The following NAALADL2 variants were observed in gnomAD, a reference collection of about 807,000 sequenced individuals.
NAALADL2 encodes the protein inactive N-acetylated-alpha-linked acidic dipeptidase-like protein 2.
NAALADL2 carries 76 observed loss-of-function variants against 87.2 expected under a neutral mutation model. The ratio of observed to expected loss-of-function variants is 0.87; its 90% CI spans 0.72 to 1.05. The LOEUF is 1.05. Among genes scored for constraint, NAALADL2 ranks in the 50% least tolerant of loss-of-function variants. The pLI, the probability that NAALADL2 is intolerant of heterozygous loss-of-function variation, is 0.00. For missense variants in NAALADL2, 1,089 were observed against 945.8 expected (o/e 1.15, Z -1.99); for synonymous variants, 354 against 331.0 (o/e 1.07, Z -0.75).
At chr3:175,147,894 A>T (rs532581349) in intron 2 of NAALADL2, among the ~76,000 whole-genome samples, 2 of 151,752 alleles carry the variant, frequency 1.3e-5, no homozygotes, top group South Asian at 4.2e-4. Context: ...ACATGGTGAA[A>T]CCTCGTCTCT....
chr3:174,860,265 T>A (rs2109530602), intron 1 of NAALADL2, among the ~76,000 whole-genome samples: 1 of 152,236 alleles, frequency 6.6e-6, no homozygotes, highest in East Asian at 1.9e-4. Flanking sequence ...TTTTCTTTCA[T>A]TTCTTTAATC....
rs188565794 is a variant in NAALADL2 at position 175,088,374 on chromosome 3, T to A, written c.44-8416T>A. 2.0e-5 allele frequency among the ~76,000 whole-genome samples: 3 copies of A among 152,354 alleles called. No individual in the cohort carries two copies. The East Asian group carries it at 5.8e-4, about 29-fold the overall frequency. ...TGCAAATGTGTTTCTCTGAGCTGCC[T>A]CCTTCTTTCCCACGACTTAACCACA... On this transcript the variant is annotated intron_variant, in intron 1 of 13. Transcript: ENST00000454872.
intron 3 of NAALADL2, among the ~76,000 whole-genome samples, chr3:174,811,297 G>C (rs1328240172): frequency 6.6e-6 from 1 of 152,174 alleles, no homozygotes; most frequent in Non-Finnish European, 1.5e-5. Context: ...CCTTGCACCT[G>C]GAAAAGCCAC....
intron 5 of NAALADL2, among the ~76,000 whole-genome samples, chr3:175,434,702 T>G (rs1352476454): frequency 6.6e-6 from 1 of 152,004 alleles, no homozygotes; most frequent in Non-Finnish European, 1.5e-5. Context: ...AAACTAGTCT[T>G]TTTTCAAGGC....
chr3:174,884,209 G>A (rs1262886758), intron 1 of NAALADL2, among the ~76,000 whole-genome samples: 1 of 152,074 alleles, frequency 6.6e-6, no homozygotes, highest in Non-Finnish European at 1.5e-5. Context: ...ATGATGAGTG[G>A]TGCCACTTCC....
At chr3:175,368,442 T>C (rs997539210) in intron 5 of NAALADL2, among the ~76,000 whole-genome samples, 17 of 152,152 alleles carry the variant, frequency 1.1e-4, no homozygotes, top group Admixed American at 6.6e-5. Flanking sequence ...TACCAGTTCC[T>C]CCTTGTACCT....
At chr3:175,549,691 A>G (rs1714015085) in intron 9 of NAALADL2, among the ~76,000 whole-genome samples, 1 of 151,936 alleles carries the variant, frequency 6.6e-6, no homozygotes, top group Admixed American at 6.6e-5. Flanking sequence ...TTGTTCACAC[A>G]TTTACTGAAT....
At chr3:174,672,501 A>G (rs1174951588) in intron 2 of NAALADL2, among the ~76,000 whole-genome samples, 1 of 152,056 alleles carries the variant, frequency 6.6e-6, no homozygotes, top group African/African-American at 2.4e-5. Context: ...TTCTAGCAAG[A>G]TAAGTAAATA....
chr3:175,156,287 T>A (rs985821056), intron 2 of NAALADL2, among the ~76,000 whole-genome samples: 2 of 124,896 alleles, frequency 1.6e-5, no homozygotes, highest in African/African-American at 2.6e-5. Flanking sequence ...GCATGTTAGA[T>A]TTCATGTTCT....
chr3:175,271,316 A>G (rs1301538309), intron 4 of NAALADL2, among the ~76,000 whole-genome samples: 2 of 152,226 alleles, frequency 1.3e-5, no homozygotes, highest in African/African-American at 4.8e-5. Flanking sequence ...GAATAAATTT[A>G]GAAATAGATT....
intron 2 of NAALADL2, among the ~76,000 whole-genome samples, chr3:175,132,032 G>A (rs1383200470): frequency 5.9e-5 from 8 of 134,516 alleles, no homozygotes; most frequent in Admixed American, 4.3e-4. Flanking sequence ...CGGGGCGGCT[G>A]GCCAGGCAGA....
chr3:175,476,043 T>A (rs550900192), intron 9 of NAALADL2, among the ~76,000 whole-genome samples: 2 of 152,316 alleles, frequency 1.3e-5, no homozygotes, highest in Admixed American at 6.5e-5. Flanking sequence ...GTAGTTGTAG[T>A]CGTTGTTGTT....
intron 1 of NAALADL2, among the ~76,000 whole-genome samples, chr3:174,893,077 A>G (rs77693446): frequency 0.021 from 3,173 of 152,286 alleles, 63 homozygotes; most frequent in Non-Finnish European, 0.032. Flanking sequence ...AATAACTTAA[A>G]GTGGACCTCC....
chr3:175,699,865 G>A (rs1302922755), intron 11 of NAALADL2, among the ~76,000 whole-genome samples: 1 of 152,004 alleles, frequency 6.6e-6, no homozygotes, highest in Non-Finnish European at 1.5e-5. Context: ...TAAGTTTCAA[G>A]ACATTTTAAA....
chr3:174,754,645 C>T (rs1711774810), intron 3 of NAALADL2, among the ~76,000 whole-genome samples: 1 of 151,822 alleles, frequency 6.6e-6, no homozygotes, highest in South Asian at 2.1e-4. Flanking sequence ...AGACTATGAG[C>T]TATTTTTTAA....
At chr3:174,698,590 C>T (rs1729248659) in intron 2 of NAALADL2, among the ~76,000 whole-genome samples, 1 of 139,626 alleles carries the variant, frequency 7.2e-6, no homozygotes, top group African/African-American at 3.0e-5. Flanking sequence ...CATGGCCGGG[C>T]GCGGTGGCTC....
chr3:175,356,999 C>T (rs1189977509), intron 5 of NAALADL2, among the ~76,000 whole-genome samples: 1 of 152,120 alleles, frequency 6.6e-6, no homozygotes, highest in Non-Finnish European at 1.5e-5. Flanking sequence ...TTTGGAGTCT[C>T]TTTGCTTACG....
At position 175,698,581 on chromosome 3, in the gene NAALADL2, G is replaced by A. The variant is rs1045832134; in HGVS notation, c.1897-38725G>A. Among the ~76,000 whole-genome samples, 5 of 148,984 alleles carry A rather than the reference G, an allele frequency of 3.4e-5. No homozygotes were observed. In the Admixed American group the frequency reaches 3.4e-4, roughly 10 times the overall value. ...TTTTGATGACTGGTGCCTGGAAAGAGTAAGACTGTTATATCATTAAAGAGT... is the reference window on the plus strand; with the variant it reads ...TTTTGATGACTGGTGCCTGGAAAGAATAAGACTGTTATATCATTAAAGAGT... On this transcript the variant is annotated intron_variant, in intron 11 of 13. Coordinates refer to ENST00000454872, the MANE Select transcript of NAALADL2 (RefSeq NM_207015.3).
chr3:175,457,973 A>G (rs1581968130), intron 6 of NAALADL2, among the ~76,000 whole-genome samples: 1 of 152,260 alleles, frequency 6.6e-6, no homozygotes, highest in East Asian at 1.9e-4. Context: ...AATAGGTTAT[A>G]AACCAGTACT....
Sources: gnomAD v4.1 joint callset for allele counts (sites outside exome capture counted in the v4.1 genomes callset) on GRCh38, gnomAD v4.1.1 for gene constraint, MANE v1.5 for transcripts, NCBI Gene and HGNC (gene_info 2026-07-23, HGNC 2026-07-21) for gene names.